Variants in RFX3 observed in about 807,000 individuals in gnomAD.
RFX3 encodes the protein transcription factor RFX3.
A neutral mutation model predicts 98.6 loss-of-function variants in RFX3; 14 were observed. That is an observed-to-expected ratio of 0.14 (90% CI 0.09 to 0.22). The LOEUF (loss-of-function observed/expected upper bound fraction) is 0.22, where lower values mean the gene tolerates loss of function less well. Ranked by LOEUF, RFX3 falls within the 10% of genes least tolerant of loss-of-function variation. RFX3 has a pLI of 1.00. For missense variants in RFX3, 639 were observed against 926.9 expected (o/e 0.69, Z 4.03); for synonymous variants, 383 against 328.4 (o/e 1.17, Z -1.80).
In RFX3 at chr9:3,314,968, G is replaced by A. The variant is rs534048394; in HGVS notation, c.475-13348C>T. Among the ~76,000 whole-genome samples, 3 of 152,260 alleles carry A rather than the reference G, an allele frequency of 2.0e-5. No individual in the cohort carries two copies. In the South Asian group the frequency reaches 6.2e-4, roughly 32 times the overall value. On this transcript the variant is annotated intron_variant, in intron 4 of 16. Coordinates refer to ENST00000617270, the MANE Select transcript of RFX3 (RefSeq NM_001282116.2). Reference sequence around the variant, plus strand: ...CTGTCAACATTAGACAGATCAACGAGACAGAAAGTTAACAAGGATATCCAG... The same window carrying A: ...CTGTCAACATTAGACAGATCAACGAAACAGAAAGTTAACAAGGATATCCAG...
intron 3 of RFX3, among the ~76,000 whole-genome samples, chr9:3,338,919 C>G (rs1363129533): frequency 1.3e-5 from 2 of 152,148 alleles, no homozygotes; most frequent in South Asian, 4.2e-4. Context: ...GAAACCCTGT[C>G]TCTACTAAAA....
intron 1 of RFX3, among the ~76,000 whole-genome samples, chr9:3,470,548 C>T (rs1379866937): frequency 2.0e-5 from 3 of 151,482 alleles, no homozygotes; most frequent in African/African-American, 7.3e-5. Context: ...AGGATGGTCT[C>T]GATCTCCTGA....
intron 1 of RFX3, among the ~76,000 whole-genome samples, chr9:3,429,657 T>G (rs970491409): frequency 1.3e-5 from 2 of 152,208 alleles, no homozygotes; most frequent in Non-Finnish European, 2.9e-5. Context: ...TTGCCTGAAC[T>G]ACATTCACTT....
chr9:3,244,041 G>A (rs894016012), intron 15 of RFX3, among the ~76,000 whole-genome samples: 9 of 147,780 alleles, frequency 6.1e-5, no homozygotes, highest in East Asian at 2.0e-4. Context: ...CCGCTTTGTC[G>A]CCCAGGCTGG....
rs1014416282 is a variant in RFX3 at position 3,476,193 on chromosome 9, T to C, written c.-9+49554A>G. ...ATATAATATATATAATATATACATATAATTCATATGATATTCATATATAAT... is the reference window on the plus strand; with the variant it reads ...ATATAATATATATAATATATACATACAATTCATATGATATTCATATATAAT... On this transcript the variant is annotated intron_variant, in intron 1 of 16. Coordinates refer to ENST00000617270, the MANE Select transcript of RFX3 (RefSeq NM_001282116.2). Among the ~76,000 whole-genome samples the C allele has an allele frequency of 4.0e-5, 6 of 150,528 alleles. 1 individual carries two copies. In the South Asian group the frequency reaches 1.0e-3, roughly 26 times the overall value.
intron 1 of RFX3, among the ~76,000 whole-genome samples, chr9:3,521,259 T>G (rs1818682107): frequency 6.6e-6 from 1 of 152,154 alleles, no homozygotes; most frequent in Non-Finnish European, 1.5e-5. Flanking sequence ...CATATATGCC[T>G]ATAGGACTAA....
At chr9:3,442,071 G>A (rs1002094987) in intron 1 of RFX3, among the ~76,000 whole-genome samples, 9 of 151,952 alleles carry the variant, frequency 5.9e-5, no homozygotes, top group African/African-American at 1.9e-4. Flanking sequence ...GTGGTGGCAC[G>A]CACCTGTAAT....
intron 9 of RFX3, among the ~76,000 whole-genome samples, chr9:3,274,728 A>T (rs903671339): frequency 6.6e-6 from 1 of 152,258 alleles, no homozygotes; most frequent in South Asian, 2.1e-4. Flanking sequence ...AATTCAAAAG[A>T]TAAAACAGGT....
intron 3 of RFX3, chr9:3,344,841 T>C (rs540477695): frequency 8.5e-5 from 61 of 715,638 alleles, no homozygotes; most frequent in South Asian, 7.0e-4. Flanking sequence ...TTTAAGTTTA[T>C]GGTGAAGATT....
chr9:3,520,648 A>T (rs1818617481), intron 1 of RFX3, among the ~76,000 whole-genome samples: 1 of 152,220 alleles, frequency 6.6e-6, no homozygotes, highest in Admixed American at 6.5e-5. Context: ...AGCCTATTCC[A>T]ACAGCATGAA....
intron 14 of RFX3, among the ~76,000 whole-genome samples, chr9:3,252,593 G>A (rs1821565921): frequency 6.6e-6 from 1 of 152,146 alleles, no homozygotes; most frequent in Non-Finnish European, 1.5e-5. Context: ...GTAGCCAGGA[G>A]GCTAATGTGG....
intron 2 of RFX3, 90 bp from the exon 3 acceptor site, chr9:3,346,854 T>G: frequency 1.3e-6 from 1 of 781,286 alleles, no homozygotes; most frequent in Non-Finnish European, 2.2e-6. Flanking sequence ...TTATCCGGTA[T>G]TATTGATAAA....
chr9:3,492,480 C>T (rs1306961975), intron 1 of RFX3, among the ~76,000 whole-genome samples: 1 of 152,224 alleles, frequency 6.6e-6, no homozygotes, highest in Non-Finnish European at 1.5e-5. Context: ...CTCCCCGAGT[C>T]CTTCAGACTC....
chr9:3,349,337 A>G (rs1834811940), intron 2 of RFX3, among the ~76,000 whole-genome samples: 2 of 152,082 alleles, frequency 1.3e-5, no homozygotes, highest in Non-Finnish European at 2.9e-5. Flanking sequence ...ATATGCCCCT[A>G]GAGATGTGTA....
intron 2 of RFX3, chr9:3,394,985 T>C (rs1474858385): frequency 3.4e-6 from 1 of 294,742 alleles, no homozygotes; most frequent in African/African-American, 2.3e-5. Flanking sequence ...TCTATTTTCA[T>C]TCAACAGTAT....
intron 4 of RFX3, among the ~76,000 whole-genome samples, chr9:3,323,654 G>A (rs1418590330): frequency 2.6e-5 from 4 of 151,922 alleles, no homozygotes; most frequent in Non-Finnish European, 5.9e-5. Flanking sequence ...AGCTTTTTCT[G>A]GCATGTTACC....
At chr9:3,347,269 C>G (rs1361118477) in intron 2 of RFX3, among the ~76,000 whole-genome samples, 5 of 151,256 alleles carry the variant, frequency 3.3e-5, no homozygotes, top group African/African-American at 1.2e-4. Context: ...TGCAGTGAGC[C>G]AAGATTGTGC....
intron 1 of RFX3, among the ~76,000 whole-genome samples, chr9:3,473,361 C>A (rs1255024822): frequency 6.6e-6 from 1 of 152,140 alleles, no homozygotes; most frequent in African/African-American, 2.4e-5. Flanking sequence ...CAATACTGAA[C>A]TGAGAGATCT....
chr9:3,494,227 T>G (rs557629614), intron 1 of RFX3, among the ~76,000 whole-genome samples: 1 of 152,192 alleles, frequency 6.6e-6, no homozygotes, highest in South Asian at 2.1e-4. Context: ...TATATTTGCA[T>G]AGACTCTGGT....
Sources: gnomAD v4.1 joint callset for allele counts (sites outside exome capture counted in the v4.1 genomes callset) on GRCh38, gnomAD v4.1.1 for gene constraint, MANE v1.5 for transcripts, NCBI Gene and HGNC (gene_info 2026-07-23, HGNC 2026-07-21) for gene names.